ADGRD1: variants seen among roughly 807,000 people sequenced by gnomAD.
ADGRD1 encodes adhesion G protein-coupled receptor D1.
ADGRD1 carries 77 observed loss-of-function variants against 113.4 expected under a neutral mutation model. The ratio of observed to expected loss-of-function variants is 0.68; its 90% CI spans 0.57 to 0.82. The LOEUF (loss-of-function observed/expected upper bound fraction) is 0.82. Ranked by LOEUF, ADGRD1 falls within the 40% of genes least tolerant of loss-of-function variation. ADGRD1 has a pLI of 0.00. For synonymous variants in ADGRD1, 474 were observed against 475.0 expected (o/e 1.00, Z 0.03); for missense variants, 1,036 against 1,139.1 (o/e 0.91, Z 1.30).
In ADGRD1 at chr12:130,971,304, A is replaced by G. The variant is rs1871612021; in HGVS notation, c.188-154A>G. 2.8e-6 allele frequency: 1 copy of G among 362,410 alleles called. No individual in the cohort carries two copies. The highest frequency in any genetic ancestry group is 2.2e-5 in the African/African-American group (1 of 44,732). 22.4% of individuals were successfully genotyped at this position (362,410 alleles called of 1,614,324 possible). A position where few individuals can be genotyped will look rare whatever the true frequency, so the allele number is the denominator to read the frequency against. Reference sequence around the variant, plus strand: ...TAATAATATTACTGATGCTATGAATATTATCATAGAATAATATATGATGTT... The same window carrying G: ...TAATAATATTACTGATGCTATGAATGTTATCATAGAATAATATATGATGTT... On this transcript the variant is annotated intron_variant, in intron 3 of 24. Transcript: ENST00000261654. The surrounding 1 kb of genome is among the most constrained non-coding windows in gnomAD (Gnocchi z 4.2).
intron 15 of ADGRD1, among the ~76,000 whole-genome samples, chr12:131,095,512 G>C (rs1338223915): frequency 6.6e-6 from 1 of 152,258 alleles, no homozygotes; most frequent in African/African-American, 2.4e-5. Flanking sequence ...TGTCTTGGGG[G>C]ATCTTCTTTC....
rs550280814 is a variant in ADGRD1, at chr12:130,965,880, C to T, written c.104-583C>T. Reference sequence around the variant, plus strand: ...GATTAAATTGAGAAAGTGAGTATTGCGTCTACAATGAGCTGGCAGTGTGAT... The same window carrying T: ...GATTAAATTGAGAAAGTGAGTATTGTGTCTACAATGAGCTGGCAGTGTGAT... On this transcript the variant is annotated intron_variant, in intron 2 of 24. Coordinates refer to ENST00000261654, the MANE Select transcript of ADGRD1 (RefSeq NM_198827.5). This position sits in a 1 kb window ranked among gnomAD's most constrained non-coding sequence, Gnocchi z 4.8. Among the ~76,000 whole-genome samples, 16 of 152,240 alleles carry T rather than the reference C, an allele frequency of 1.1e-4. No individual in the cohort carries two copies. Among genetic ancestry groups the T allele is most frequent in the East Asian group, 5.8e-4 (3 of 5,182 alleles).
intron 15 of ADGRD1, among the ~76,000 whole-genome samples, chr12:131,094,064 C>G (rs2463015): frequency 1.3e-5 from 2 of 150,922 alleles, no homozygotes; most frequent in Admixed American, 1.3e-4. Context: ...AGCACCCAGC[C>G]TCGGCACCCA....
At chr12:130,986,733 C>A in intron 5 of ADGRD1, 1 of 234,746 alleles carries the variant, frequency 4.3e-6, no homozygotes, top group Admixed American at 5.2e-5. Context: ...TCGCTCCTGA[C>A]CATTTTTTCT....
chr12:131,016,892 CAA>C (rs11401802), intron 13 of ADGRD1, among the ~76,000 whole-genome samples: 2 of 145,084 alleles, frequency 1.4e-5, no homozygotes, highest in Non-Finnish European at 3.0e-5. Flanking sequence ...GACTCTGCCT[CAA>C]AAAAAAAAAA....
intron 20 of ADGRD1, among the ~76,000 whole-genome samples, chr12:131,129,757 CATTT>C (rs1180984802): frequency 6.6e-6 from 1 of 152,200 alleles, no homozygotes; most frequent in Non-Finnish European, 1.5e-5. Context: ...ACACTAAAAG[CATTT>C]ATTCAAGAAA....
intron 13 of ADGRD1, among the ~76,000 whole-genome samples, chr12:131,036,737 T>TGGGGCCTCACTCACTGCAC (rs1881480642): frequency 1.2e-5 from 1 of 84,250 alleles, no homozygotes; most frequent in East Asian, 5.5e-4. Flanking sequence ...ACTCACTGCA[T>TGGGGCCTCACTCACTGCAC]GGGGCCTCAC....
At chr12:131,021,531 C>G (rs1394393668) in intron 13 of ADGRD1, among the ~76,000 whole-genome samples, 1 of 152,062 alleles carries the variant, frequency 6.6e-6, no homozygotes, top group Non-Finnish European at 1.5e-5. Flanking sequence ...TGTGAGTCGG[C>G]CTGTGGGCTA....
Position 131,022,076 on chromosome 12 carries a change from C to A in ADGRD1, c.1473+7736C>A, listed in dbSNP as rs763659495. ...TCTAATGACCTCATTTTATCTTAAT[C>A]ACCCCTTCAAAGACCCTGACTCCAA... On this transcript the variant is annotated intron_variant, in intron 13 of 24. Transcript: ENST00000261654. The surrounding 1 kb of genome is among the most constrained non-coding windows in gnomAD (Gnocchi z 4.6). Among the ~76,000 whole-genome samples the A allele has an allele frequency of 1.2e-4, 18 of 152,156 alleles. No individual in the cohort carries two copies. Among genetic ancestry groups the A allele is most frequent in the Non-Finnish European group, 2.6e-4 (18 of 68,020 alleles).
chr12:131,120,478 C>T (rs1195933), intron 19 of ADGRD1, among the ~76,000 whole-genome samples: 10,443 of 152,162 alleles, frequency 0.069, 372 homozygotes, highest in Non-Finnish European at 0.078. Flanking sequence ...GGTGCTGCAT[C>T]GCTGACGACT....
intron 23 of ADGRD1, chr12:131,137,903 G>C (rs1391859584): frequency 6.5e-6 from 3 of 464,014 alleles, no homozygotes. Flanking sequence ...TGAGTGTGAG[G>C]AGCCCAGCAG....
chr12:131,085,342 A>C (rs1364442448), intron 15 of ADGRD1, among the ~76,000 whole-genome samples: 3 of 152,146 alleles, frequency 2.0e-5, no homozygotes, highest in Non-Finnish European at 4.4e-5. Flanking sequence ...GGAAACAGCA[A>C]GTGCACAGGA....
intron 13 of ADGRD1, chr12:131,023,552 A>G (rs1334386996): frequency 6.6e-6 from 1 of 152,094 alleles, no homozygotes; most frequent in African/African-American, 2.4e-5. Flanking sequence ...TCTCCTGTGA[A>G]GGGTGGTATA....
chr12:131,137,499 C>G (rs1951120702), intron 23 of ADGRD1: 2 of 203,622 alleles, frequency 9.8e-6, no homozygotes. Flanking sequence ...GACTTCTGTT[C>G]CTGTGGGAGA....
chr12:131,038,635 G>A (rs941234998), intron 13 of ADGRD1, among the ~76,000 whole-genome samples: 2 of 152,192 alleles, frequency 1.3e-5, no homozygotes, highest in African/African-American at 4.8e-5. Context: ...TCATCAGCAC[G>A]GGCTGTTTCC....
At chr12:130,969,498 G>A (rs2136522736) in intron 3 of ADGRD1, 1 of 171,738 alleles carries the variant, frequency 5.8e-6, no homozygotes. Context: ...CTGCACATGT[G>A]AGGGATCTAG....
At chr12:131,062,088 G>A (rs1297777751) in intron 13 of ADGRD1, among the ~76,000 whole-genome samples, 1 of 152,122 alleles carries the variant, frequency 6.6e-6, no homozygotes, top group Non-Finnish European at 1.5e-5. Flanking sequence ...GTGAGGTGGT[G>A]CAATTTCAGC....
intron 8 of ADGRD1, among the ~76,000 whole-genome samples, chr12:130,996,810 C>T (rs1475751457): frequency 2.7e-4 from 30 of 109,390 alleles, no homozygotes; most frequent in South Asian, 6.1e-4. Context: ...ACCTCCCGGA[C>T]GGGGCGGCTG....
intron 3 of ADGRD1, chr12:130,969,206 C>T: frequency 3.1e-6 from 2 of 635,782 alleles, no homozygotes; most frequent in Non-Finnish European, 5.6e-6. Context: ...CCAGTCAAGA[C>T]AGCAGATCCA....
Sources: gnomAD v4.1 joint callset for allele counts (sites outside exome capture counted in the v4.1 genomes callset) on GRCh38, gnomAD v4.1.1 for gene constraint, Gnocchi (gnomAD v3.1) non-coding constraint, MANE v1.5 for transcripts, NCBI Gene and HGNC (gene_info 2026-07-23, HGNC 2026-07-21) for gene names.